CAST: variants seen among roughly 807,000 people sequenced by gnomAD.
The protein encoded by CAST is MIR583 host.
CAST carries 76 observed loss-of-function variants against 119.6 expected under a neutral mutation model. The observed-to-expected ratio is 0.64, with a 90% CI of 0.53 to 0.77. The LOEUF is 0.77. Among genes scored for constraint, CAST ranks in the 30% least tolerant of loss-of-function variants. The probability of loss-of-function intolerance (pLI) is 0.00; values close to 1 mark genes in which losing one functional copy is unlikely to be tolerated. For missense variants in CAST, 953 were observed against 946.5 expected (o/e 1.01, Z -0.09); for synonymous variants, 319 against 331.6 (o/e 0.96, Z 0.41).
the CAST span, chr5:96,391,140 T>C: frequency 6.6e-6 from 1 of 152,226 alleles, no homozygotes; most frequent in Non-Finnish European, 1.5e-5. Context: ...ATATGAAACT[T>C]CCAAGGACAG....
the CAST span, among the ~76,000 whole-genome samples, chr5:96,369,637 T>C: frequency 2.6e-5 from 4 of 152,106 alleles, no homozygotes; most frequent in Admixed American, 2.0e-4. Flanking sequence ...ATCTCCTTTC[T>C]GATATTTAAT....
At chr5:96,035,481 A>G in the CAST span, among the ~76,000 whole-genome samples, 2 of 151,954 alleles carry the variant, frequency 1.3e-5, no homozygotes, top group Non-Finnish European at 2.9e-5. Context: ...CCTAAATTAT[A>G]ATCTCCAAGG....
At chr5:96,232,996 T>G in the CAST span, among the ~76,000 whole-genome samples, 6 of 152,162 alleles carry the variant, frequency 3.9e-5, no homozygotes, top group African/African-American at 1.2e-4. Flanking sequence ...CAGCAGTGCT[T>G]GGAATAGTAA....
At chr5:96,771,195 T>A (rs27033) in intron 30 of CAST, among the ~76,000 whole-genome samples, 79,270 of 152,058 alleles carry the variant, frequency 0.52, 21,507 homozygotes, top group Middle Eastern at 0.6. Context: ...TATATCTCAG[T>A]TTAAATACTT....
chr5:96,474,569 A>G, the CAST span, among the ~76,000 whole-genome samples: 4 of 152,188 alleles, frequency 2.6e-5, no homozygotes, highest in African/African-American at 9.7e-5. Context: ...ACATGGGACG[A>G]GGCCTCAGAT....
the CAST span, among the ~76,000 whole-genome samples, chr5:96,358,152 T>C: frequency 4.6e-5 from 7 of 152,336 alleles, no homozygotes; most frequent in Non-Finnish European, 8.8e-5. Flanking sequence ...TGGTAGTTTA[T>C]ATTTCTGTGG....
the CAST span, among the ~76,000 whole-genome samples, chr5:96,363,353 T>G: frequency 1.3e-5 from 2 of 149,796 alleles, no homozygotes; most frequent in Admixed American, 6.6e-5. Flanking sequence ...TTAAAGTAGT[T>G]TTTTCCAATT....
At chr5:96,436,942 A>G in the CAST span, among the ~76,000 whole-genome samples, 409 of 152,328 alleles carry the variant, frequency 2.7e-3, 1 homozygote, top group African/African-American at 9.4e-3. Context: ...AGATCCACAG[A>G]CACTTTTCAC....
chr5:96,771,593 A>G (rs768281318), intron 30 of CAST, 51 bp from the exon 31 acceptor site: 2 of 1,479,414 alleles, frequency 1.4e-6, no homozygotes, highest in South Asian at 2.3e-5. Flanking sequence ...CCATCTCCTC[A>G]TACTTAATAC....
chr5:96,653,187 GTC>G (rs1748116258), intron 1 of CAST, among the ~76,000 whole-genome samples: 1 of 152,252 alleles, frequency 6.6e-6, no homozygotes, highest in Non-Finnish European at 1.5e-5. Context: ...CTCACAGGGA[GTC>G]TCTGTGTCTG....
chr5:96,614,525 A>G (rs906293082), intron 1 of CAST, among the ~76,000 whole-genome samples: 1 of 152,246 alleles, frequency 6.6e-6, no homozygotes, highest in Non-Finnish European at 1.5e-5. Flanking sequence ...TTAACCAAGA[A>G]AAGGAAACAT....
chr5:96,751,118 CCTT>C (rs1409816952), intron 20 of CAST, among the ~76,000 whole-genome samples: 3 of 152,126 alleles, frequency 2.0e-5, no homozygotes, highest in African/African-American at 7.2e-5. Flanking sequence ...CTTTCTCTTT[CCTT>C]CTTCTTTTCG....
chr5:96,039,104 G>A, the CAST span, among the ~76,000 whole-genome samples: 1 of 152,096 alleles, frequency 6.6e-6, no homozygotes, highest in South Asian at 2.1e-4. Flanking sequence ...GTTTTGATTT[G>A]CATTTCTCTA....
chr5:96,054,047 G>A, the CAST span, among the ~76,000 whole-genome samples: 1 of 151,808 alleles, frequency 6.6e-6, no homozygotes, highest in Non-Finnish European at 1.5e-5. Flanking sequence ...TGGTGGTGTG[G>A]GCAGCAGTTA....
chr5:96,729,482 A>G (rs1760002438), intron 7 of CAST, 130 bp from the exon 8 acceptor site: 1 of 627,352 alleles, frequency 1.6e-6, no homozygotes, highest in Admixed American at 2.9e-5. Context: ...CATAATTTAG[A>G]ACCACAGACA....
intron 1 of CAST, among the ~76,000 whole-genome samples, chr5:96,646,699 C>T (rs1177775476): frequency 6.6e-6 from 1 of 152,130 alleles, no homozygotes; most frequent in African/African-American, 2.4e-5. Flanking sequence ...ATATTTGCCT[C>T]TCATCATCGA....
chr5:96,097,096 T>G, the CAST span, among the ~76,000 whole-genome samples: 1 of 152,186 alleles, frequency 6.6e-6, no homozygotes, highest in Non-Finnish European at 1.5e-5. Context: ...TAGGAGACTT[T>G]GATCTAAATA....
At chr5:96,674,014 T>C (rs1750419592) in intron 1 of CAST, among the ~76,000 whole-genome samples, 1 of 152,232 alleles carries the variant, frequency 6.6e-6, no homozygotes. Flanking sequence ...TAGTTGTTCA[T>C]ACAAAACACT....
In CAST at chr5:96,616,753, TACACACACACAC is replaced by T. The variant is rs377159898; in HGVS notation, c.61-58754_61-58743del. On this transcript the variant is annotated intron_variant, in intron 1 of 11. Coordinates refer to the CAST transcript ENST00000505143. ...CGCTCTCTCTCTCTCTCTATATATA[TACACACACACAC>T]ACACACACACACACACACACACACA... is the stretch of plus-strand genomic sequence containing the variant. Among the ~76,000 whole-genome samples the T allele has an allele frequency of 5.0e-3, 650 of 130,834 alleles. 6 individuals are homozygous for T. The highest frequency in any genetic ancestry group is 0.029 in the East Asian group (127 of 4,382). 85.8% of individuals were successfully genotyped at this position (130,834 alleles called of 152,430 possible).
Sources: gnomAD v4.1 joint callset for allele counts (sites outside exome capture counted in the v4.1 genomes callset) on GRCh38, gnomAD v4.1.1 for gene constraint, MANE v1.5 for transcripts, NCBI Gene and HGNC (gene_info 2026-07-23, HGNC 2026-07-21) for gene names.